GRID2: variants seen among roughly 807,000 people sequenced by gnomAD.
GRID2 encodes the protein glutamate receptor ionotropic, delta-2.
In GRID2, 33 loss-of-function variants were observed where a neutral mutation model predicts 114.8. The observed-to-expected ratio is 0.29, with a 90% CI of 0.22 to 0.38. GRID2 has a LOEUF of 0.38. Among genes scored for constraint, GRID2 ranks in the 10% least tolerant of loss-of-function variants. The pLI is 1.00. For missense variants in GRID2, 1,184 were observed against 1,257.7 expected (o/e 0.94, Z 0.89); for synonymous variants, 505 against 449.9 (o/e 1.12, Z -1.55).
intron 1 of GRID2, among the ~76,000 whole-genome samples, chr4:92,383,084 A>G (rs1336100727): frequency 6.6e-6 from 1 of 151,864 alleles, no homozygotes; most frequent in Non-Finnish European, 1.5e-5. Context: ...TTATCACAAG[A>G]TCTGATTGTT....
chr4:92,709,293 GA>G (rs1735103352), intron 2 of GRID2, among the ~76,000 whole-genome samples: 1 of 151,976 alleles, frequency 6.6e-6, no homozygotes, highest in South Asian at 2.1e-4. Context: ...TAAGTAGGTT[GA>G]AAAAGTCATC....
chr4:93,515,295 A>G lies in GRID2; in HGVS notation c.2077A>G (p.Met693Val), dbSNP rs777184182. 7 of 1,610,132 alleles carry G rather than the reference A, an allele frequency of 4.3e-6. No individual in the cohort carries two copies. The South Asian group carries it at 4.4e-5, about 10-fold the overall frequency. ...CTCTGCGGTATATGAGCATGTCCGCATGAAAGGACTGAATCCTTTTGAGAG... is the reference window on the plus strand; with the variant it reads ...CTCTGCGGTATATGAGCATGTCCGCGTGAAAGGACTGAATCCTTTTGAGAG... ...LDSAVYEHVRMKGLNPFERDS... is the reference protein window; with the variant it reads ...LDSAVYEHVRVKGLNPFERDS... The change falls in exon 13 of 16, where the codon ATG becomes GTG. Residue 693 changes from methionine (M) to valine (V), a missense_variant. Physicochemically the swap from Met to Val is conservative, Grantham distance 21. This residue lies in a region of GRID2 where 717 missense variants were observed against 796.9 expected (regional missense o/e 0.90). Coordinates refer to ENST00000282020, the MANE Select transcript of GRID2 (RefSeq NM_001510.4).
At chr4:92,844,159 T>C (rs1274370721) in intron 2 of GRID2, among the ~76,000 whole-genome samples, 2 of 152,114 alleles carry the variant, frequency 1.3e-5, no homozygotes, top group African/African-American at 4.8e-5. Context: ...TCCGTTTTCC[T>C]TGAATTAACA....
chr4:92,505,092 A>G (rs1451320202), intron 1 of GRID2, among the ~76,000 whole-genome samples: 1 of 152,060 alleles, frequency 6.6e-6, no homozygotes, highest in East Asian at 1.9e-4. Context: ...ACAAAACTTG[A>G]GAGCTTTTAC....
chr4:93,561,299 T>G (rs1734902219), intron 13 of GRID2, among the ~76,000 whole-genome samples: 1 of 152,166 alleles, frequency 6.6e-6, no homozygotes, highest in Non-Finnish European at 1.5e-5. Context: ...ACCAGCTTTT[T>G]AGAGAGTACT....
At chr4:92,615,110 T>A (rs1729942711) in intron 2 of GRID2, among the ~76,000 whole-genome samples, 1 of 151,574 alleles carries the variant, frequency 6.6e-6, no homozygotes, top group South Asian at 2.1e-4. Context: ...CCAAGAACAA[T>A]GTGCCAACAG....
In GRID2 at chr4:93,385,419, C is replaced by T. The variant is rs115093075; in HGVS notation, c.1246-10188C>T. On this transcript the variant is annotated intron_variant, in intron 8 of 15. Coordinates refer to ENST00000282020, the MANE Select transcript of GRID2 (RefSeq NM_001510.4). Reference sequence around the variant, plus strand: ...ATTTATTCCTCATCTTGAAATAAAACCTGCATGCCACAAAACTCCTCTATG... The same window carrying T: ...ATTTATTCCTCATCTTGAAATAAAATCTGCATGCCACAAAACTCCTCTATG... Among the ~76,000 whole-genome samples the T allele has an allele frequency of 7.2e-5, 11 of 152,232 alleles. No individual in the cohort carries two copies. The South Asian group carries it at 2.1e-3, about 29-fold the overall frequency.
chr4:92,772,057 T>C (rs2149352815), intron 2 of GRID2, among the ~76,000 whole-genome samples: 1 of 152,226 alleles, frequency 6.6e-6, no homozygotes, highest in South Asian at 2.1e-4. Flanking sequence ...CAGAAAAAAA[T>C]AGAAAAAGTA....
intron 2 of GRID2, among the ~76,000 whole-genome samples, chr4:93,009,468 G>T (rs1721894314): frequency 6.6e-6 from 1 of 152,164 alleles, no homozygotes; most frequent in South Asian, 2.1e-4. Flanking sequence ...AACCTGAATG[G>T]AACGCAAGGA....
intron 4 of GRID2, among the ~76,000 whole-genome samples, chr4:93,167,936 G>A (rs1393529674): frequency 3.9e-5 from 6 of 152,118 alleles, no homozygotes; most frequent in Non-Finnish European, 7.4e-5. Context: ...GCTCACACCT[G>A]TATTCCCAGC....
intron 1 of GRID2, among the ~76,000 whole-genome samples, chr4:92,468,087 C>A (rs1451205906): frequency 1.3e-5 from 2 of 151,946 alleles, no homozygotes; most frequent in African/African-American, 2.4e-5. Context: ...GGGATGCTAT[C>A]TCATCCACCC....
intron 2 of GRID2, among the ~76,000 whole-genome samples, chr4:92,856,112 C>T (rs778632171): frequency 6.6e-6 from 1 of 152,072 alleles, no homozygotes; most frequent in Non-Finnish European, 1.5e-5. Flanking sequence ...ATCTCTACTC[C>T]TGTGTTACTG....
intron 2 of GRID2, among the ~76,000 whole-genome samples, chr4:92,673,888 C>T (rs1187909789): frequency 2.6e-5 from 4 of 151,938 alleles, no homozygotes; most frequent in Admixed American, 6.6e-5. Context: ...GACGAGTTAA[C>T]GGGTGCAGCA....
At chr4:93,601,409 C>G (rs1739671664) in intron 13 of GRID2, among the ~76,000 whole-genome samples, 1 of 152,144 alleles carries the variant, frequency 6.6e-6, no homozygotes, top group Non-Finnish European at 1.5e-5. Context: ...TTCTTCACTT[C>G]TATTCTTTAG....
At chr4:92,482,012 ATATATATATATATATATATAT>A (rs1722631460) in intron 1 of GRID2, among the ~76,000 whole-genome samples, 1 of 66,286 alleles carries the variant, frequency 1.5e-5, no homozygotes, top group Non-Finnish European at 3.6e-5. Flanking sequence ...ATATATATAT[ATATATATATATATATATATAT>A]AAAATAACAA....
chr4:92,428,527 T>G (rs1481360619), intron 1 of GRID2, among the ~76,000 whole-genome samples: 1 of 152,174 alleles, frequency 6.6e-6, no homozygotes, highest in African/African-American at 2.4e-5. Context: ...TTCCCGTATA[T>G]TCTTTCCCTG....
At chr4:92,366,642 A>C (rs923639939) in intron 1 of GRID2, among the ~76,000 whole-genome samples, 9 of 152,052 alleles carry the variant, frequency 5.9e-5, no homozygotes, top group African/African-American at 2.2e-4. Flanking sequence ...TAAGCTACAT[A>C]AGAAATCAAA....
At chr4:93,472,323 C>CA (rs1316852426) in intron 11 of GRID2, among the ~76,000 whole-genome samples, 3 of 149,844 alleles carry the variant, frequency 2.0e-5, no homozygotes, top group Admixed American at 6.6e-5. Flanking sequence ...AACTCCATCT[C>CA]AAAAAAAAAG....
At chr4:93,544,634 GGGCATGGT>G (rs1307397361) in intron 13 of GRID2, among the ~76,000 whole-genome samples, 4 of 151,688 alleles carry the variant, frequency 2.6e-5, no homozygotes, top group Non-Finnish European at 5.9e-5. Context: ...AAAATTAGCT[GGGCATGGT>G]GGCACATACC....
Sources: gnomAD v4.1 joint callset for allele counts (sites outside exome capture counted in the v4.1 genomes callset) on GRCh38, gnomAD v4.1.1 for gene constraint, gnomAD v4.1.1 regional missense constraint, MANE v1.5 for transcripts, NCBI Gene and HGNC (gene_info 2026-07-23, HGNC 2026-07-21) for gene names.